The following SLC39A11 variants were observed in gnomAD, a reference collection of about 807,000 sequenced individuals.
SLC39A11 encodes solute carrier family 39 member 11.
A neutral mutation model predicts 36.1 loss-of-function variants in SLC39A11; 33 were observed. The ratio of observed to expected loss-of-function variants is 0.91; its 90% confidence interval spans 0.69 to 1.22. The LOEUF is 1.22. SLC39A11 is among the 50% of genes most tolerant of loss of function. The pLI, the probability that SLC39A11 is intolerant of heterozygous loss-of-function variation, is 0.00. For synonymous variants in SLC39A11, 166 were observed against 170.3 expected (o/e 0.97, Z 0.20); for missense variants, 432 against 430.3 (o/e 1.00, Z -0.03).
intron 4 of SLC39A11, among the ~76,000 whole-genome samples, chr17:72,984,687 C>A (rs1470061991): frequency 6.6e-6 from 1 of 152,212 alleles, no homozygotes; most frequent in African/African-American, 2.4e-5. Flanking sequence ...GTGAGAATCA[C>A]CGCAGTGAAG....
intron 6 of SLC39A11, among the ~76,000 whole-genome samples, chr17:72,790,634 C>A (rs1372919381): frequency 1.3e-5 from 2 of 151,666 alleles, no homozygotes; most frequent in South Asian, 2.1e-4. Flanking sequence ...TGGGTTCAAG[C>A]GATTCTCCTG....
intron 6 of SLC39A11, among the ~76,000 whole-genome samples, chr17:72,788,781 AC>A (rs1414164633): frequency 4.6e-5 from 7 of 152,226 alleles, no homozygotes; most frequent in Non-Finnish European, 1.0e-4. Context: ...AGGGGCCCCA[AC>A]CCCAAAGGCT....
intron 6 of SLC39A11, among the ~76,000 whole-genome samples, chr17:72,742,863 A>G (rs2074770791): frequency 1.3e-5 from 2 of 152,236 alleles, no homozygotes; most frequent in African/African-American, 4.8e-5. Flanking sequence ...GCAGGGCTCA[A>G]GTCATCATTA....
intron 4 of SLC39A11, among the ~76,000 whole-genome samples, chr17:73,010,506 T>C (rs1311737472): frequency 2.0e-5 from 3 of 152,172 alleles, no homozygotes; most frequent in Non-Finnish European, 4.4e-5. Context: ...ACGGGAACTT[T>C]TTTAAAAGTA....
chr17:72,971,355 C>T (rs2148047930), intron 4 of SLC39A11, among the ~76,000 whole-genome samples: 1 of 152,120 alleles, frequency 6.6e-6, no homozygotes, highest in Admixed American at 6.5e-5. Flanking sequence ...CTCTCTCTCT[C>T]TCTGAAAAAC....
At chr17:72,894,499 TA>T (rs35812666) in intron 5 of SLC39A11, among the ~76,000 whole-genome samples, 58,519 of 110,526 alleles carry the variant, frequency 0.53, 14,066 homozygotes, top group East Asian at 0.73. Flanking sequence ...TCATCCCTAC[TA>T]AAAAAAAAAA....
chr17:72,957,535 T>C (rs2086320554), intron 4 of SLC39A11, among the ~76,000 whole-genome samples: 1 of 152,212 alleles, frequency 6.6e-6, no homozygotes, highest in African/African-American at 2.4e-5. Context: ...TTTTAAAATT[T>C]CGGCCAGGCG....
intron 4 of SLC39A11, among the ~76,000 whole-genome samples, chr17:73,026,517 C>CAAAAAAAAA (rs548390962): frequency 1.6e-4 from 12 of 75,506 alleles, no homozygotes; most frequent in East Asian, 4.1e-4. Context: ...GAAACTACAT[C>CAAAAAAAAA]AAAAAAAAAA....
At chr17:72,774,158 G>A (rs759064313) in intron 6 of SLC39A11, among the ~76,000 whole-genome samples, 2 of 152,194 alleles carry the variant, frequency 1.3e-5, no homozygotes, top group Non-Finnish European at 2.9e-5. Flanking sequence ...CCATGGAAAT[G>A]TACGTGAATA....
chr17:72,683,315 C>G (rs55652521), intron 7 of SLC39A11, among the ~76,000 whole-genome samples: 30,809 of 151,084 alleles, frequency 0.2, 3,281 homozygotes, highest in Middle Eastern at 0.26. Context: ...GTTTTGCTGC[C>G]CCATTTCCTT....
In SLC39A11 at chr17:72,977,437, T is replaced by C. The variant is rs1309776585; in HGVS notation, c.307-29562A>G. On this transcript the variant is annotated intron_variant, in intron 4 of 9. Coordinates refer to ENST00000255559, the MANE Select transcript of SLC39A11 (RefSeq NM_139177.4). Reference sequence around the variant, plus strand: ...GTGCTGTTTAAAGCTGTTAGACTTATAATCATTTGTACACAGCAAGAGAAA... The same window carrying C: ...GTGCTGTTTAAAGCTGTTAGACTTACAATCATTTGTACACAGCAAGAGAAA... Among the ~76,000 whole-genome samples the C allele has an allele frequency of 5.3e-5, 8 of 152,242 alleles. No homozygotes were observed. The East Asian group carries it at 9.7e-4, about 18-fold the overall frequency.
intron 6 of SLC39A11, among the ~76,000 whole-genome samples, chr17:72,809,223 CTCTCTT>C (rs1228185802): frequency 1.3e-5 from 2 of 151,560 alleles, no homozygotes; most frequent in South Asian, 2.1e-4. Context: ...CTCTCTCTCT[CTCTCTT>C]TCTTTCTGCC....
chr17:72,982,179 G>T (rs1395460227), intron 4 of SLC39A11, among the ~76,000 whole-genome samples: 1 of 152,062 alleles, frequency 6.6e-6, no homozygotes, highest in African/African-American at 2.4e-5. Flanking sequence ...ACCCTATAGG[G>T]ATGGGGTATG....
chr17:72,837,835 G>T, intron 6 of SLC39A11: 1 of 763,046 alleles, frequency 1.3e-6, no homozygotes, highest in Non-Finnish European at 1.8e-6. Flanking sequence ...AGTCAGTCCC[G>T]GTTAGGGAAA....
At chr17:72,759,570 C>T (rs578111080) in intron 6 of SLC39A11, among the ~76,000 whole-genome samples, 1 of 152,290 alleles carries the variant, frequency 6.6e-6, no homozygotes, top group South Asian at 2.1e-4. Flanking sequence ...AGTGGCTACT[C>T]AGTGGGTATA....
In SLC39A11 at chr17:72,856,939, C is replaced by T. The variant is rs553475999; in HGVS notation, c.431-7135G>A. ...CAGGTGATCCACCTGCCTTGGCCTC[C>T]CAAAGTGCTGGGATTACAGGCGTAA... On this transcript the variant is annotated intron_variant, in intron 5 of 9. Coordinates refer to ENST00000255559, the MANE Select transcript of SLC39A11 (RefSeq NM_139177.4). 3.3e-5 allele frequency among the ~76,000 whole-genome samples: 5 copies of T among 152,294 alleles called. No homozygotes were observed. The South Asian group carries it at 1.0e-3, about 32-fold the overall frequency.
chr17:72,916,221 CACACACATATATCTGT>C (rs2083322716), intron 5 of SLC39A11, among the ~76,000 whole-genome samples: 1 of 149,782 alleles, frequency 6.7e-6, no homozygotes, highest in Admixed American at 6.6e-5. Flanking sequence ...GTTACACATG[CACACACATATATCTGT>C]ACACACAAAC....
chr17:72,977,361 C>G (rs1270839206), intron 4 of SLC39A11, among the ~76,000 whole-genome samples: 1 of 152,180 alleles, frequency 6.6e-6, no homozygotes, highest in African/African-American at 2.4e-5. Flanking sequence ...CCGGCTGACC[C>G]ACCCACGTGC....
chr17:72,679,764 C>T (rs1187278003), intron 7 of SLC39A11, among the ~76,000 whole-genome samples: 2 of 152,188 alleles, frequency 1.3e-5, no homozygotes, highest in East Asian at 3.9e-4. Context: ...GTAAAATTGG[C>T]TGGGCACGGT....
Sources: gnomAD v4.1 joint callset for allele counts (sites outside exome capture counted in the v4.1 genomes callset) on GRCh38, gnomAD v4.1.1 for gene constraint, MANE v1.5 for transcripts, NCBI Gene and HGNC (gene_info 2026-07-23, HGNC 2026-07-21) for gene names.